The following STAT5B variants were observed in gnomAD, a reference collection of about 807,000 sequenced individuals.
STAT5B encodes the protein transcription factor STAT5B.
STAT5B carries 21 observed loss-of-function variants against 107.8 expected under a neutral mutation model. The ratio of observed to expected loss-of-function variants is 0.19; its 90% CI spans 0.14 to 0.28. STAT5B has a LOEUF of 0.28. STAT5B is among the 10% of genes least tolerant of loss of function. The pLI, the probability that STAT5B is intolerant of heterozygous loss-of-function variation, is 1.00. For synonymous variants in STAT5B, 325 were observed against 401.7 expected (o/e 0.81, Z 2.28); for missense variants, 565 against 1,008.2 (o/e 0.56, Z 5.95).
At chr17:42,244,241 C>A (rs1023167200) in intron 1 of STAT5B, among the ~76,000 whole-genome samples, 2 of 150,982 alleles carry the variant, frequency 1.3e-5, no homozygotes, top group African/African-American at 4.9e-5. Flanking sequence ...GTGTGTGCCA[C>A]CATGCCCGGC....
chr17:42,241,766 G>A (rs1413160209), intron 1 of STAT5B, among the ~76,000 whole-genome samples: 1 of 152,002 alleles, frequency 6.6e-6, no homozygotes, highest in African/African-American at 2.4e-5. Context: ...TTGAGGGACG[G>A]AAAAATATTC....
At chr17:42,263,163 A>G (rs2080633348) in intron 1 of STAT5B, among the ~76,000 whole-genome samples, 1 of 149,750 alleles carries the variant, frequency 6.7e-6, no homozygotes, top group Admixed American at 6.7e-5. Flanking sequence ...TGTCTCCCTA[A>G]CAATTTATTA....
chr17:42,270,221 T>C (rs967145218), intron 1 of STAT5B, among the ~76,000 whole-genome samples: 3 of 151,958 alleles, frequency 2.0e-5, no homozygotes, highest in African/African-American at 4.8e-5. Context: ...GAAATAATAA[T>C]AATAAATTAG....
intron 1 of STAT5B, among the ~76,000 whole-genome samples, chr17:42,241,940 T>G (rs1168240510): frequency 6.6e-6 from 1 of 152,164 alleles, no homozygotes; most frequent in African/African-American, 2.4e-5. Flanking sequence ...CAATTCTCTT[T>G]TTAAAAAATC....
chr17:42,272,399 T>C (rs908052628), intron 1 of STAT5B: 1 of 152,216 alleles, frequency 6.6e-6, no homozygotes, highest in Non-Finnish European at 1.5e-5. Flanking sequence ...AGGCTCTACA[T>C]AACATGTTTC....
chr17:42,252,269 G>C (rs573745874), intron 1 of STAT5B, among the ~76,000 whole-genome samples: 1 of 152,128 alleles, frequency 6.6e-6, no homozygotes, highest in South Asian at 2.1e-4. Context: ...GGTAGAAATA[G>C]AATCAGTACA....
rs144638302 is a variant in STAT5B at position 42,227,311 on chromosome 17, T to C, written c.285+218A>G. On this transcript the variant is annotated intron_variant, in intron 3 of 18. Transcript: ENST00000293328. ...AGTCAACAACAGGTGAATATGGGCA[T>C]ATGTGGGGAATCTTTGTATGATTCT... 4.7e-5 allele frequency among the ~76,000 whole-genome samples: 7 copies of C among 150,306 alleles called. No homozygotes were observed. In the East Asian group the frequency reaches 1.2e-3, roughly 25 times the overall value.
chr17:42,287,337 C>CCCCCCCG, the STAT5B span, among the ~76,000 whole-genome samples: 101 of 151,122 alleles, frequency 6.7e-4, 2 homozygotes, highest in East Asian at 3.1e-3. Context: ...TGCACCCCCC[C>CCCCCCCG]CAACAGAACA....
intron 9 of STAT5B, chr17:42,217,725 G>A: frequency 4.1e-6 from 2 of 483,426 alleles, no homozygotes; most frequent in East Asian, 8.0e-5. Context: ...TTTTGCTCTT[G>A]TTGCCCAGGC....
chr17:42,220,445 T>A (rs1230799805), intron 5 of STAT5B, among the ~76,000 whole-genome samples: 1 of 152,006 alleles, frequency 6.6e-6, no homozygotes, highest in Non-Finnish European at 1.5e-5. Flanking sequence ...CTCGGCCCCA[T>A]CCCTCCCGCA....
At position 42,223,561 on chromosome 17, in the gene STAT5B, G is replaced by T; in HGVS notation, c.376-5C>A. The T allele has an allele frequency of 6.2e-7, 1 of 1,614,104 alleles. No individual in the cohort carries two copies. Among genetic ancestry groups the T allele is most frequent in the Non-Finnish European group, 8.5e-7 (1 of 1,180,010 alleles). On this transcript the variant is annotated splice_polypyrimidine_tract_variant and splice_region_variant and intron_variant, in intron 4 of 18. Transcript: ENST00000293328. Reference sequence around the variant, plus strand: ...GCTTCCAGCTGGAGAGCTACCCTGGGAACATATGGGGGGCAGTGCAAGGCA... The same window carrying T: ...GCTTCCAGCTGGAGAGCTACCCTGGTAACATATGGGGGGCAGTGCAAGGCA...
intron 9 of STAT5B, chr17:42,217,700 T>C (rs1567659042): frequency 1.8e-6 from 1 of 566,868 alleles, no homozygotes; most frequent in African/African-American, 1.9e-5. Flanking sequence ...TTTTTTTTTT[T>C]TTTTTGTGAC....
intron 1 of STAT5B, among the ~76,000 whole-genome samples, chr17:42,248,693 T>A (rs77977565): frequency 0.02 from 3,004 of 152,312 alleles, 36 homozygotes; most frequent in South Asian, 0.032. Flanking sequence ...CTGCAAGGCA[T>A]CAGCCAGGAT....
upstream of STAT5B, chr17:42,276,464 T>C (rs918154659): frequency 1.3e-5 from 2 of 148,288 alleles, no homozygotes; most frequent in Non-Finnish European, 3.0e-5. The surrounding 1 kb of genome is among the most constrained non-coding windows in gnomAD (Gnocchi z 4.8). Flanking sequence ...CGCGCGCCGC[T>C]GGCAACCCGG....
At position 42,210,247 on chromosome 17, in the gene STAT5B, C is replaced by T. The variant is rs376254568; in HGVS notation, c.1830G>A (p.Lys610=). Residue 610 remains lysine (K), a synonymous_variant, in exon 15 of 19, where the codon AAG becomes AAA. Transcript: ENST00000293328. ...KQQAHDLLIN[K]PDGTFLLRFS... ...ATCTCAGGAGGAAGGTCCCATCTGG[C>T]TTGTTAATGAGTAGGTCATGGGCCT... is the stretch of plus-strand genomic sequence containing the variant. 1 of 1,614,096 alleles carries T rather than the reference C, an allele frequency of 6.2e-7. No individual in the cohort carries two copies. The highest frequency in any genetic ancestry group is 8.5e-7 in the Non-Finnish European group (1 of 1,180,056).
At chr17:42,208,230 GT>G (rs2080101812) in intron 15 of STAT5B, among the ~76,000 whole-genome samples, 1 of 152,016 alleles carries the variant, frequency 6.6e-6, no homozygotes, top group South Asian at 2.1e-4. Context: ...GGCCAGGCAT[GT>G]TGGCTCATGC....
At chr17:42,246,406 T>G (rs1336314263) in intron 1 of STAT5B, among the ~76,000 whole-genome samples, 2 of 152,102 alleles carry the variant, frequency 1.3e-5, no homozygotes, top group Non-Finnish European at 2.9e-5. Context: ...ATAAAAAAAT[T>G]TTTTTTAAAA....
chr17:42,247,831 T>C (rs186456391), intron 1 of STAT5B, among the ~76,000 whole-genome samples: 123 of 152,098 alleles, frequency 8.1e-4, no homozygotes, highest in African/African-American at 2.9e-3. Context: ...CGCACACCTG[T>C]AGTCTTAGTT....
intron 3 of STAT5B, among the ~76,000 whole-genome samples, chr17:42,226,982 A>C (rs1267134469): frequency 6.7e-6 from 1 of 149,382 alleles, no homozygotes; most frequent in Non-Finnish European, 1.5e-5. Context: ...AAAAAAAAAA[A>C]AAAACTGCCA....
Sources: gnomAD v4.1 joint callset for allele counts (sites outside exome capture counted in the v4.1 genomes callset) on GRCh38, gnomAD v4.1.1 for gene constraint, Gnocchi (gnomAD v3.1) non-coding constraint, MANE v1.5 for transcripts, NCBI Gene and HGNC (gene_info 2026-07-23, HGNC 2026-07-21) for gene names.